CDK14: variants seen among roughly 807,000 people sequenced by gnomAD.
The protein encoded by CDK14 is cyclin dependent kinase 14, also known as cyclin-dependent kinase 14.
Under a neutral mutation model 60.7 loss-of-function variants are expected in CDK14, and 34 were observed. The ratio of observed to expected loss-of-function variants is 0.56; its 90% CI spans 0.43 to 0.75. The LOEUF (loss-of-function observed/expected upper bound fraction) is 0.75. Among genes scored for constraint, CDK14 ranks in the 30% least tolerant of loss-of-function variants. The pLI, the probability that CDK14 is intolerant of heterozygous loss-of-function variation, is 0.00. For synonymous variants in CDK14, 197 were observed against 203.7 expected (o/e 0.97, Z 0.28); for missense variants, 482 against 564.1 (o/e 0.85, Z 1.47).
chr7:91,114,715 G>A (rs1799558006), intron 13 of CDK14, among the ~76,000 whole-genome samples: 1 of 152,134 alleles, frequency 6.6e-6, no homozygotes, highest in African/African-American at 2.4e-5. Flanking sequence ...ACAATTTTGA[G>A]TTACAGAAAT....
intron 2 of CDK14, among the ~76,000 whole-genome samples, chr7:90,660,034 T>C (rs902523296): frequency 3.0e-4 from 46 of 152,256 alleles, no homozygotes; most frequent in African/African-American, 1.0e-3. Flanking sequence ...TTAAATAGCA[T>C]TTTCTGAGAA....
intron 2 of CDK14, among the ~76,000 whole-genome samples, chr7:90,683,024 A>G (rs1584791048): frequency 6.6e-6 from 1 of 151,730 alleles, no homozygotes; most frequent in African/African-American, 2.4e-5. Flanking sequence ...TCTTTATGCT[A>G]TTTTTTCCCC....
intron 9 of CDK14, among the ~76,000 whole-genome samples, chr7:90,980,215 C>G (rs949483881): frequency 6.6e-6 from 1 of 152,028 alleles, no homozygotes; most frequent in East Asian, 1.9e-4. Context: ...TACTGGGTAA[C>G]TAATCCTAAA....
intron 10 of CDK14, among the ~76,000 whole-genome samples, chr7:91,030,886 C>G (rs1365328319): frequency 6.6e-6 from 1 of 152,202 alleles, no homozygotes; most frequent in African/African-American, 2.4e-5. Flanking sequence ...GCTGGAGTTG[C>G]TGCCTCTGGC....
intron 2 of CDK14, among the ~76,000 whole-genome samples, chr7:90,686,785 G>C (rs373392164): frequency 1.2e-3 from 181 of 152,248 alleles, no homozygotes; most frequent in African/African-American, 4.2e-3. Context: ...TTAATCCTGA[G>C]ATAAAGATTT....
chr7:91,135,698 C>T lies in CDK14; in HGVS notation c.*28+17490C>T, dbSNP rs749697113. The stretch of plus-strand genomic sequence containing the variant: ...CCTTGAGGTTGTCCTAGCAAAGTTA[C>T]GTTCTTGAGGGTTGTTTGCACACTA... On this transcript the variant is annotated intron_variant, in intron 14 of 14. Coordinates refer to ENST00000380050, the MANE Select transcript of CDK14 (RefSeq NM_001287135.2). Among the ~76,000 whole-genome samples, 7 of 152,088 alleles carry T rather than the reference C, an allele frequency of 4.6e-5. No individual in the cohort carries two copies. In the East Asian group the frequency reaches 5.8e-4, roughly 13 times the overall value.
At chr7:90,927,914 T>C in intron 8 of CDK14, among the ~76,000 whole-genome samples, 1 of 152,190 alleles carries the variant, frequency 6.6e-6, no homozygotes. Context: ...GTTCGTTTCT[T>C]TTTACTCTTT....
At chr7:90,646,670 T>C (rs1800475657) in intron 2 of CDK14, among the ~76,000 whole-genome samples, 1 of 152,140 alleles carries the variant, frequency 6.6e-6, no homozygotes, top group Non-Finnish European at 1.5e-5. Context: ...TCCACACTAG[T>C]GGAGCTTTTC....
intron 11 of CDK14, among the ~76,000 whole-genome samples, chr7:91,076,242 CAAAAAAAAAAAAAAAAAAAAAA>C (rs564729987): frequency 1.0e-4 from 3 of 28,756 alleles, no homozygotes; most frequent in South Asian, 3.2e-3. Context: ...CTACAGTAAC[CAAAAAAAAAAAAAAAAAAAAAA>C]AAAAAAAAAA....
intron 10 of CDK14, among the ~76,000 whole-genome samples, chr7:91,004,674 G>A (rs959865052): frequency 2.0e-5 from 3 of 152,088 alleles, no homozygotes; most frequent in Non-Finnish European, 2.9e-5. Context: ...GAAGTGAAGC[G>A]GTGAGTAGCG....
intron 1 of CDK14, among the ~76,000 whole-genome samples, chr7:90,600,191 G>T (rs138920301): frequency 6.6e-6 from 1 of 152,162 alleles, no homozygotes; most frequent in Non-Finnish European, 1.5e-5. Context: ...TAGTGTCAGC[G>T]TGGTTCCTTA....
chr7:90,683,444 T>A (rs1349451095), intron 2 of CDK14, among the ~76,000 whole-genome samples: 1 of 152,242 alleles, frequency 6.6e-6, no homozygotes, highest in Non-Finnish European at 1.5e-5. Flanking sequence ...TTTTATTTTA[T>A]GCTTTTGTGC....
intron 14 of CDK14, among the ~76,000 whole-genome samples, chr7:91,134,965 C>A (rs561107518): frequency 2.0e-5 from 3 of 151,750 alleles, no homozygotes; most frequent in African/African-American, 7.3e-5. Context: ...TTAAATTGGC[C>A]GTTTTATGTA....
At chr7:91,091,501 T>TTATATATATATATA (rs56670195) in intron 12 of CDK14, among the ~76,000 whole-genome samples, 4,106 of 88,936 alleles carry the variant, frequency 0.046, 330 homozygotes, top group Non-Finnish European at 0.057. Flanking sequence ...TTTATATATT[T>TTATATATATATATA]TATATATATA....
intron 12 of CDK14, 29 bp downstream of exon 12, chr7:91,079,509 CTCTT>C (rs1465615846): frequency 1.4e-6 from 2 of 1,431,306 alleles, no homozygotes; most frequent in Non-Finnish European, 9.8e-7. Flanking sequence ...TGTGCTCATT[CTCTT>C]TCTTTCTCTT....
intron 2 of CDK14, among the ~76,000 whole-genome samples, chr7:90,698,024 C>T (rs1213509695): frequency 1.6e-5 from 2 of 123,730 alleles, no homozygotes; most frequent in South Asian, 2.6e-4. Flanking sequence ...GCTGAGATCA[C>T]GTCACTGCAC....
intron 5 of CDK14, among the ~76,000 whole-genome samples, chr7:90,791,312 T>C (rs990719131): frequency 1.3e-5 from 2 of 152,236 alleles, no homozygotes; most frequent in East Asian, 3.8e-4. Flanking sequence ...TATCTTTTTT[T>C]TTAATCAGTG....
At chr7:90,920,837 T>C (rs1446512920) in intron 8 of CDK14, among the ~76,000 whole-genome samples, 1 of 152,230 alleles carries the variant, frequency 6.6e-6, no homozygotes, top group Non-Finnish European at 1.5e-5. Context: ...TAGTAGACTT[T>C]ACCTGCTGGA....
intron 4 of CDK14, among the ~76,000 whole-genome samples, chr7:90,779,377 T>C (rs1805210538): frequency 1.3e-5 from 2 of 152,152 alleles, no homozygotes; most frequent in South Asian, 4.1e-4. Flanking sequence ...CTCAGCATCC[T>C]AAGTAGCTGG....
Sources: allele counts gnomAD v4.1 joint callset (sites outside exome capture counted in the v4.1 genomes callset), GRCh38; gene constraint gnomAD v4.1.1; transcripts MANE v1.5; gene names NCBI Gene and HGNC (gene_info 2026-07-23, HGNC 2026-07-21).